The following CCR3 variants were observed in gnomAD, a reference collection of about 807,000 sequenced individuals.
The protein encoded by CCR3 is C-C motif chemokine receptor 3.
For missense variants in CCR3, 419 were observed against 437.5 expected, an observed-to-expected ratio of 0.96 and a Z score of 0.38; for synonymous variants, 203 against 179.2, an observed-to-expected ratio of 1.13 and a Z score of -1.06.
At chr3:46,244,883 GA>G (rs1700162296) in intron 1 of CCR3, among the ~76,000 whole-genome samples, 1 of 152,188 alleles carries the variant, frequency 6.6e-6, no homozygotes, top group African/African-American at 2.4e-5. Context: ...AGCACAGTTG[GA>G]GGTGGAAGCA....
chr3:46,236,401 A>C (rs1173456219), intron 2 of CCR3, among the ~76,000 whole-genome samples: 1 of 152,226 alleles, frequency 6.6e-6, no homozygotes, highest in Non-Finnish European at 1.5e-5. Flanking sequence ...GCTCTGCTCC[A>C]CCAGCCCCAT....
At chr3:46,235,307 A>G (rs1171705584) in intron 2 of CCR3, among the ~76,000 whole-genome samples, 1 of 152,184 alleles carries the variant, frequency 6.6e-6, no homozygotes, top group Non-Finnish European at 1.5e-5. Flanking sequence ...TAAGTAGGCA[A>G]TAAATGCCAC....
Position 46,265,715 on chromosome 3 carries a change from T to G in CCR3, c.557T>G (p.Leu186Arg), listed in dbSNP as rs1347766741. 1 of 1,613,862 alleles carries G rather than the reference T, an allele frequency of 6.2e-7. No individual in the cohort carries two copies. ...ELFEETLCSA[L>R]YPEDTVYSWR... ...TTTGAAGAGACTCTTTGCAGTGCTC[T>G]TTACCCAGAGGATACAGTATATAGC... Residue 186 changes from leucine to arginine, a missense_variant, in exon 2 of 2, where the codon CTT becomes CGT. Leu to Arg is a moderately radical substitution (Grantham distance 102). Transcript: ENST00000395940.
At chr3:46,216,496 C>T (rs951151834) in intron 2 of CCR3, among the ~76,000 whole-genome samples, 5 of 152,132 alleles carry the variant, frequency 3.3e-5, no homozygotes, top group African/African-American at 1.2e-4. Flanking sequence ...TCAAAGAACA[C>T]CTGGAAAATT....
chr3:46,247,786 G>A (rs1201971851), intron 1 of CCR3, among the ~76,000 whole-genome samples: 4 of 152,092 alleles, frequency 2.6e-5, no homozygotes, highest in African/African-American at 9.7e-5. Flanking sequence ...TGTGACTCAG[G>A]GCATGTTGAG....
At chr3:46,251,780 G>C (rs1434333146) in intron 1 of CCR3, among the ~76,000 whole-genome samples, 2 of 152,108 alleles carry the variant, frequency 1.3e-5, no homozygotes, top group African/African-American at 4.8e-5. Context: ...AGTCAAAGGG[G>C]GTTTGTTCTC....
At chr3:46,243,385 G>C (rs1700131464) in intron 1 of CCR3, among the ~76,000 whole-genome samples, 1 of 152,064 alleles carries the variant, frequency 6.6e-6, no homozygotes, top group South Asian at 2.1e-4. Flanking sequence ...ATATGTGTGT[G>C]TGCATTAAGT....
chr3:46,245,634 T>C (rs1700175089), intron 1 of CCR3, among the ~76,000 whole-genome samples: 2 of 152,106 alleles, frequency 1.3e-5, no homozygotes, highest in Admixed American at 6.6e-5. Context: ...CCATGGGGGT[T>C]TGTTGTACAG....
chr3:46,246,863 G>A (rs1380941931), intron 1 of CCR3, among the ~76,000 whole-genome samples: 1 of 152,146 alleles, frequency 6.6e-6, no homozygotes, highest in South Asian at 2.1e-4. Context: ...ATTAGGGGCG[G>A]CGTGGGAACC....
At chr3:46,243,182 A>T (rs1372700518) in intron 1 of CCR3, among the ~76,000 whole-genome samples, 1 of 151,898 alleles carries the variant, frequency 6.6e-6, no homozygotes, top group Non-Finnish European at 1.5e-5. Context: ...ACAAGTACCT[A>T]GATTACTTGT....
chr3:46,234,321 A>T (rs2125925618), intron 2 of CCR3, among the ~76,000 whole-genome samples: 1 of 152,244 alleles, frequency 6.6e-6, no homozygotes, highest in East Asian at 1.9e-4. Flanking sequence ...GGATGGATTC[A>T]TTGGTTTAAT....
At chr3:46,255,313 A>G (rs995381797) in intron 1 of CCR3, among the ~76,000 whole-genome samples, 2 of 152,034 alleles carry the variant, frequency 1.3e-5, no homozygotes, top group African/African-American at 4.8e-5. Flanking sequence ...TCAGATGTGT[A>G]GATTGCAACG....
rs1363611586 is a variant in CCR3, at chr3:46,265,953, A to G, written c.795A>G (p.Gln265=). ...YNVAILLSSY[Q]SILFGNDCER... ...TGGCTATCCTTCTCTCTTCCTATCA[A>G]TCCATCTTATTTGGAAATGACTGTG... is the stretch of plus-strand genomic sequence containing the variant. Residue 265 remains glutamine, a synonymous_variant, in exon 2 of 2, where the codon CAA becomes CAG. Coordinates refer to ENST00000395940, the MANE Select transcript of CCR3 (RefSeq NM_178329.3). 6.2e-7 allele frequency: 1 copy of G among 1,613,984 alleles called. No individual in the cohort carries two copies. Among genetic ancestry groups the G allele is most frequent in the East Asian group, 2.2e-5 (1 of 44,866 alleles).
intron 2 of CCR3, among the ~76,000 whole-genome samples, chr3:46,227,582 C>G (rs915798340): frequency 6.6e-6 from 1 of 151,928 alleles, no homozygotes; most frequent in Non-Finnish European, 1.5e-5. Flanking sequence ...TAATTTTGCT[C>G]TGCATTTTCT....
chr3:46,220,838 C>A (rs1303093296), intron 2 of CCR3, among the ~76,000 whole-genome samples: 1 of 152,102 alleles, frequency 6.6e-6, no homozygotes, highest in African/African-American at 2.4e-5. Context: ...ATAATGGACT[C>A]TGGAGACTTA....
chr3:46,219,249 A>G (rs1004927756), intron 2 of CCR3, among the ~76,000 whole-genome samples: 1 of 152,176 alleles, frequency 6.6e-6, no homozygotes, highest in Admixed American at 6.6e-5. Flanking sequence ...AAATAATATT[A>G]TAAAATACTT....
At chr3:46,260,984 TTCTC>T (rs545605250) in intron 1 of CCR3, among the ~76,000 whole-genome samples, 37 of 152,282 alleles carry the variant, frequency 2.4e-4, no homozygotes, top group African/African-American at 8.4e-4. Context: ...CCACATAAGA[TTCTC>T]TCTCTCATTC....
chr3:46,248,556 T>G (rs548674413), intron 1 of CCR3, among the ~76,000 whole-genome samples: 2 of 152,154 alleles, frequency 1.3e-5, no homozygotes, highest in Non-Finnish European at 2.9e-5. Context: ...TTTGGGAGAT[T>G]AATCGGACAG....
In CCR3 at chr3:46,266,358, A is replaced by G. The variant is rs1700634719; in HGVS notation, c.*132A>G. 1 of 635,716 alleles carries G rather than the reference A, an allele frequency of 1.6e-6. No homozygotes were observed. Among genetic ancestry groups the G allele is most frequent in the Non-Finnish European group, 2.8e-6 (1 of 354,684 alleles). The allele number at this position is 635,716 out of a possible 1,614,324, so 39.4% of individuals were successfully genotyped here. On this transcript the variant is annotated 3_prime_UTR_variant, in exon 2 of 2. Transcript: ENST00000395940. ...CACTGAAGCTCTTGAAGACACTGAA[A>G]TATACACACAGCAGTAGCAGTAGAT...
Sources: allele counts gnomAD v4.1 joint callset (sites outside exome capture counted in the v4.1 genomes callset), GRCh38; gene constraint gnomAD v4.1.1; transcripts MANE v1.5; gene names NCBI Gene and HGNC (gene_info 2026-07-23, HGNC 2026-07-21).